Variants in FMO2 observed in about 807,000 individuals in gnomAD.
The protein encoded by FMO2 is flavin containing dimethylaniline monoxygenase 2, also known as flavin-containing monooxygenase 2.
In FMO2, 33 loss-of-function variants were observed where a neutral mutation model predicts 41.6. That is an observed-to-expected ratio of 0.79 (90% confidence interval 0.60 to 1.06). The LOEUF is 1.06. FMO2 is among the 50% of genes least tolerant of loss of function. The probability of loss-of-function intolerance (pLI) is 0.00; values close to 1 mark genes in which losing one functional copy is unlikely to be tolerated. For missense variants in FMO2, 619 were observed against 632.9 expected, an observed-to-expected ratio of 0.98 and a Z score of 0.23; for synonymous variants, 214 against 219.6, an observed-to-expected ratio of 0.97 and a Z score of 0.23.
At chr1:171,193,989 A>T (rs191580997) in intron 3 of FMO2, among the ~76,000 whole-genome samples, 2 of 152,120 alleles carry the variant, frequency 1.3e-5, no homozygotes, top group East Asian at 3.9e-4. Flanking sequence ...CATTTGGGCC[A>T]GGCTGGTCTC....
chr1:171,204,003 A>G lies in FMO2; in HGVS notation c.766A>G (p.Ile256Val). 1 of 1,613,792 alleles carries G rather than the reference A, an allele frequency of 6.2e-7. No homozygotes were observed. Among genetic ancestry groups the G allele is most frequent in the Non-Finnish European group, 8.5e-7 (1 of 1,179,754 alleles). The change falls in exon 6 of 9, where the codon ATA (isoleucine) becomes GTA (valine). Residue 256 changes from isoleucine to valine, a missense_variant. By Grantham distance (29) the Ile-to-Val change is conservative. Coordinates refer to ENST00000209929, the MANE Select transcript of FMO2 (RefSeq NM_001460.5). ...VLPRTAVKWMIEQQMNRWFNH... is the reference protein window; with the variant it reads ...VLPRTAVKWMVEQQMNRWFNH... ...GCCACGAACAGCTGTAAAATGGATG[A>G]TAGAACAACAGATGAATCGGTGGTT...
chr1:171,197,145 G>T (rs1658339837), intron 4 of FMO2, among the ~76,000 whole-genome samples: 2 of 152,222 alleles, frequency 1.3e-5, no homozygotes, highest in African/African-American at 4.8e-5. Flanking sequence ...CAAACACCGA[G>T]CCTTTTTCAC....
chr1:171,186,051 G>A (rs1034281943), intron 2 of FMO2: 4 of 430,186 alleles, frequency 9.3e-6, no homozygotes, highest in Admixed American at 7.4e-5. Context: ...AGCTGACCCA[G>A]GCATGTAAAA....
At chr1:171,199,762 A>G (rs989873730) in intron 5 of FMO2, among the ~76,000 whole-genome samples, 3 of 152,144 alleles carry the variant, frequency 2.0e-5, no homozygotes, top group African/African-American at 7.2e-5. Flanking sequence ...GATTTTCCAT[A>G]TAAGAGGCCT....
In FMO2 at chr1:171,196,649, A is replaced by G. The variant is rs773546501; in HGVS notation, c.322A>G (p.Thr108Ala). The G allele has an allele frequency of 6.2e-6, 10 of 1,609,828 alleles. No homozygotes were observed. In the South Asian group the frequency reaches 9.9e-5, roughly 16 times the overall value. Residue 108 changes from threonine to alanine, a missense_variant and splice_region_variant, in exon 4 of 9, where the codon ACA becomes GCA. Thr to Ala is a moderately conservative substitution (Grantham distance 58). Transcript: ENST00000209929. ...GATGCCTTCTCTGTGTTTCTTCAAG[A>G]CAACTGTCCTTAGTGTGAGAAAATG... ...FDLLKYIQFQ[T>A]TVLSVRKCPD...
chr1:171,189,746 T>TC (rs1335934593), intron 2 of FMO2, among the ~76,000 whole-genome samples: 8 of 140,466 alleles, frequency 5.7e-5, no homozygotes, highest in Non-Finnish European at 1.5e-5. Flanking sequence ...GCAACCTCCA[T>TC]CCCCCGGGTT....
At position 171,199,425 on chromosome 1, in the gene FMO2, G is replaced by C. The variant is rs1398786660; in HGVS notation, c.564G>C (p.Leu188=). The C allele has an allele frequency of 2.5e-6, 4 of 1,612,554 alleles. No individual in the cohort carries two copies. In the African/African-American group the frequency reaches 5.3e-5, roughly 22 times the overall value. ...ATGGATTTGAGGGAAAACGCATCCTGGTGATTGGAATGGGAAACTCAGGCT... is the reference window on the plus strand; with the variant it reads ...ATGGATTTGAGGGAAAACGCATCCTCGTGATTGGAATGGGAAACTCAGGCT... The part of the protein sequence containing the change: ...HPDGFEGKRI[L]VIGMGNSGSD... Residue 188 remains leucine (L), a synonymous_variant, in exon 5 of 9, where the codon CTG becomes CTC. Coordinates refer to ENST00000209929, the MANE Select transcript of FMO2 (RefSeq NM_001460.5).
At chr1:171,187,051 G>T (rs1571267201) in intron 2 of FMO2, among the ~76,000 whole-genome samples, 1 of 152,330 alleles carries the variant, frequency 6.6e-6, no homozygotes, top group East Asian at 1.9e-4. Context: ...TGAGCAAACT[G>T]AAAGTGAGGG....
At position 171,211,338 on chromosome 1, in the gene FMO2, A is replaced by C. The variant is rs769656551; in HGVS notation, c.*2193A>C. On this transcript the variant is annotated 3_prime_UTR_variant, in exon 9 of 9. Transcript: ENST00000209929. Reference sequence around the variant, plus strand: ...TGGCCCACAAGGCTAAAATATTTACATTCTCACCCATTACAGAAAAAGTTT... The same window carrying C: ...TGGCCCACAAGGCTAAAATATTTACCTTCTCACCCATTACAGAAAAAGTTT... 2.0e-4 allele frequency: 30 copies of C among 152,230 alleles called. No homozygotes were observed. The highest frequency in any genetic ancestry group is 3.5e-4 in the Non-Finnish European group (24 of 68,036). 9.4% of individuals were successfully genotyped at this position (152,230 alleles called of 1,614,324 possible). A position where few individuals can be genotyped will look rare whatever the true frequency, so the allele number is the denominator to read the frequency against.
At chr1:171,204,474 T>A (rs538250429) in intron 6 of FMO2, among the ~76,000 whole-genome samples, 1 of 152,282 alleles carries the variant, frequency 6.6e-6, no homozygotes, top group Non-Finnish European at 1.5e-5. Context: ...GAAAACACAT[T>A]CCTTTTTCTT....
chr1:171,199,291 T>C, intron 4 of FMO2, 55 bp from the exon 5 acceptor site: 2 of 1,472,242 alleles, frequency 1.4e-6, no homozygotes. Context: ...TTATTGAAAT[T>C]AGCTTGACAT....
intron 2 of FMO2, chr1:171,188,770 CAATA>C (rs1287477097): frequency 6.6e-6 from 1 of 152,196 alleles, no homozygotes; most frequent in Non-Finnish European, 1.5e-5. Context: ...GACAAGTTAA[CAATA>C]AATAAGTAAA....
chr1:171,207,825 T>G (rs763084136), intron 8 of FMO2, 35 bp downstream of exon 8: 1 of 1,368,342 alleles, frequency 7.3e-7, no homozygotes, highest in Admixed American at 1.7e-5. Context: ...CATGAAGCAG[T>G]GTTTCTCAAA....
At chr1:171,201,532 C>A (rs1189723926) in intron 5 of FMO2, among the ~76,000 whole-genome samples, 2 of 152,074 alleles carry the variant, frequency 1.3e-5, no homozygotes, top group African/African-American at 4.8e-5. Flanking sequence ...GAAATTACAA[C>A]CTGAACTCAC....
intron 8 of FMO2, 40 bp from the exon 9 acceptor site, chr1:171,208,754 A>G (rs751852783): frequency 3.4e-5 from 54 of 1,601,264 alleles, no homozygotes; most frequent in South Asian, 1.1e-4. Context: ...GAAAACTTAG[A>G]ACATTCTGTG....
intron 2 of FMO2, among the ~76,000 whole-genome samples, chr1:171,189,273 T>C (rs933113425): frequency 2.6e-5 from 4 of 152,204 alleles, no homozygotes; most frequent in African/African-American, 9.7e-5. Context: ...TTTCCAGATG[T>C]ATATGTTTAG....
intron 4 of FMO2, among the ~76,000 whole-genome samples, chr1:171,198,617 G>T (rs1658395188): frequency 1.3e-5 from 2 of 152,042 alleles, no homozygotes; most frequent in African/African-American, 4.8e-5. Flanking sequence ...CATCATGTTG[G>T]CCAGGCTGGT....
intron 4 of FMO2, among the ~76,000 whole-genome samples, chr1:171,198,386 A>G (rs1318159476): frequency 6.6e-6 from 1 of 151,726 alleles, no homozygotes; most frequent in Non-Finnish European, 1.5e-5. Context: ...TGCTTAAGAA[A>G]TATTTAAGAG....
At chr1:171,187,805 AAC>A (rs1657916080) in intron 2 of FMO2, among the ~76,000 whole-genome samples, 1 of 152,058 alleles carries the variant, frequency 6.6e-6, no homozygotes, top group Non-Finnish European at 1.5e-5. Context: ...CTACTATCTA[AAC>A]ACACTCAGAG....
Sources: allele counts gnomAD v4.1 joint callset (sites outside exome capture counted in the v4.1 genomes callset), GRCh38; gene constraint gnomAD v4.1.1; transcripts MANE v1.5; gene names NCBI Gene and HGNC (gene_info 2026-07-23, HGNC 2026-07-21).